Variants in TRPM1 observed in about 807,000 individuals in gnomAD.
The protein encoded by TRPM1 is TRPM1-203 APA Isoform, Intron 10.
A neutral mutation model predicts 149.4 loss-of-function variants in TRPM1; 113 were observed. That is an observed-to-expected ratio of 0.76 (90% CI 0.65 to 0.88). The LOEUF (loss-of-function observed/expected upper bound fraction) is 0.88, where lower values mean the gene tolerates loss of function less well. Among genes scored for constraint, TRPM1 ranks in the 40% least tolerant of loss-of-function variants. The pLI, the probability that TRPM1 is intolerant of heterozygous loss-of-function variation, is 0.00. For missense variants in TRPM1, 1,976 were observed against 2,038.7 expected, an observed-to-expected ratio of 0.97 and a Z score of 0.59; for synonymous variants, 741 against 759.5, an observed-to-expected ratio of 0.98 and a Z score of 0.40.
At chr15:31,143,043 C>T (rs1405394356) in intron 1 of TRPM1, among the ~76,000 whole-genome samples, 1 of 152,188 alleles carries the variant, frequency 6.6e-6, no homozygotes, top group Non-Finnish European at 1.5e-5. Context: ...ACCATTGCCA[C>T]CTTAAGTCTG....
chr15:31,109,566 G>C (rs985640110), intron 1 of TRPM1, among the ~76,000 whole-genome samples: 6 of 150,986 alleles, frequency 4.0e-5, no homozygotes, highest in Admixed American at 6.6e-5. Flanking sequence ...TGGGCGTGGT[G>C]GTGGGTGCCT....
intron 2 of TRPM1, among the ~76,000 whole-genome samples, chr15:31,078,268 C>T (rs1223232345): frequency 6.6e-6 from 1 of 152,104 alleles, no homozygotes; most frequent in Non-Finnish European, 1.5e-5. Context: ...GAGGTCACCT[C>T]TGCAGAGGTC....
chr15:31,096,241 A>G (rs1051196492), intron 1 of TRPM1, among the ~76,000 whole-genome samples: 1 of 152,104 alleles, frequency 6.6e-6, no homozygotes. Flanking sequence ...GGAGGGAAGG[A>G]GTGCAGTGGG....
At chr15:31,049,330 T>C in intron 13 of TRPM1, 45 bp downstream of exon 13, 2 of 1,613,828 alleles carry the variant, frequency 1.2e-6, no homozygotes. Context: ...CAAACACATT[T>C]AGGTGGCTGC....
intron 18 of TRPM1, among the ~76,000 whole-genome samples, chr15:31,038,426 G>A (rs2033499784): frequency 6.6e-6 from 1 of 152,156 alleles, no homozygotes; most frequent in Non-Finnish European, 1.5e-5. Flanking sequence ...AAAAAGAAAA[G>A]TCTTGGCTGG....
At chr15:31,081,858 C>A (rs949448684) in intron 1 of TRPM1, among the ~76,000 whole-genome samples, 1 of 152,162 alleles carries the variant, frequency 6.6e-6, no homozygotes, top group Admixed American at 6.5e-5. Flanking sequence ...ATGAAGTAAG[C>A]CAGGTCACCC....
chr15:31,093,388 T>C (rs919481437), intron 1 of TRPM1, among the ~76,000 whole-genome samples: 3 of 152,032 alleles, frequency 2.0e-5, no homozygotes, highest in Admixed American at 2.0e-4. Flanking sequence ...AAATTGGATG[T>C]ATTTCTGTAC....
At chr15:31,133,354 G>A (rs1016910732) in intron 1 of TRPM1, among the ~76,000 whole-genome samples, 1 of 152,128 alleles carries the variant, frequency 6.6e-6, no homozygotes, top group East Asian at 1.9e-4. Flanking sequence ...GATCACTTGA[G>A]GTCAGGAGTT....
rs769973366 is a variant in TRPM1, at chr15:31,066,078, G to A, written c.788C>T (p.Thr263Ile). The change falls in exon 7 of 28, where the codon ACA becomes ATA. Residue 263 changes from threonine to isoleucine, a missense_variant and splice_region_variant. Thr to Ile is a moderately conservative substitution (Grantham distance 89, BLOSUM62 -1). This residue lies in a region of TRPM1 where 1,332 missense variants were observed against 1,347.1 expected (regional missense o/e 0.99). Transcript: ENST00000256552. ...EKHISLQKIN[T>I]RLGQGVPLVG... ...TGCGTGCCTTTGCCAGCACTTACTT[G>A]TGTTGATCTTCTGCAGGGAGATGTG... 3 of 1,613,898 alleles carry A rather than the reference G, an allele frequency of 1.9e-6. No individual in the cohort carries two copies. The South Asian group carries it at 3.3e-5, about 18-fold the overall frequency.
At chr15:31,103,849 A>G (rs1284021363), upstream of TRPM1, among the ~76,000 whole-genome samples, 1 of 151,006 alleles carries the variant, frequency 6.6e-6, no homozygotes, top group Admixed American at 6.6e-5. Flanking sequence ...AAGAAAAAGA[A>G]AAAAAAAAGA....
chr15:31,089,112 C>T (rs904624530), intron 1 of TRPM1, among the ~76,000 whole-genome samples: 2 of 152,142 alleles, frequency 1.3e-5, no homozygotes, highest in African/African-American at 4.8e-5. Context: ...ACAGAAAATT[C>T]GTGATGAATA....
chr15:31,050,949 A>C (rs1235147744), intron 11 of TRPM1, among the ~76,000 whole-genome samples: 1 of 152,198 alleles, frequency 6.6e-6, no homozygotes, highest in South Asian at 2.1e-4. Flanking sequence ...AAGGATGCTG[A>C]AAGGAGAGTT....
intron 12 of TRPM1, 49 bp from the exon 13 acceptor site, chr15:31,049,558 A>G: frequency 6.2e-7 from 1 of 1,610,592 alleles, no homozygotes; most frequent in East Asian, 2.2e-5. Flanking sequence ...TCAGAGACAC[A>G]GGGGAGGGGG....
intron 1 of TRPM1, among the ~76,000 whole-genome samples, chr15:31,131,825 C>A (rs571405581): frequency 6.6e-6 from 1 of 152,148 alleles, no homozygotes; most frequent in South Asian, 2.1e-4. Context: ...GGCTCGCCCC[C>A]ACCCCCCTGC....
chr15:31,081,713 C>G (rs1468941551), intron 1 of TRPM1, among the ~76,000 whole-genome samples: 1 of 152,140 alleles, frequency 6.6e-6, no homozygotes. Context: ...CCCTGTGCCT[C>G]CAGGAGGGCC....
Position 31,063,188 on chromosome 15 carries a change from C to A in TRPM1, c.895G>T (p.Val299Leu), listed in dbSNP as rs2034281068. The stretch of plus-strand genomic sequence containing the variant: ...GCACGTCCGCTGCCATCACAAATCA[C>A]CACAGGGATGGGAGGCTCTTCTTGC... ...YLQEEPPIPV[V>L]ICDGSGRASD... is the part of the protein sequence containing the mutation. The change falls in exon 8 of 28, where the codon GTG becomes TTG. Residue 299 changes from valine to leucine, a missense_variant. Coordinates refer to ENST00000256552, the MANE Select transcript of TRPM1 (RefSeq NM_001252024.2). The A allele has an allele frequency of 6.2e-7, 1 of 1,614,220 alleles. No individual in the cohort carries two copies. Among genetic ancestry groups the A allele is most frequent in the East Asian group, 2.2e-5 (1 of 44,884 alleles).
chr15:31,092,231 G>T (rs2035259234), intron 1 of TRPM1, among the ~76,000 whole-genome samples: 1 of 152,130 alleles, frequency 6.6e-6, no homozygotes, highest in Non-Finnish European at 1.5e-5. Context: ...CAGAGTGCAG[G>T]GTCTCATTTC....
intron 1 of TRPM1, among the ~76,000 whole-genome samples, chr15:31,157,963 C>T (rs956348846): frequency 1.3e-5 from 2 of 152,138 alleles, no homozygotes; most frequent in African/African-American, 4.8e-5. Context: ...CGGGAACCGA[C>T]ACTGAGCTGC....
chr15:31,156,647 T>C (rs1346209273), intron 1 of TRPM1, among the ~76,000 whole-genome samples: 2 of 152,176 alleles, frequency 1.3e-5, no homozygotes, highest in African/African-American at 2.4e-5. Context: ...AACCAGTGTA[T>C]ACCTCACATG....
Sources: gnomAD v4.1 joint callset for allele counts (sites outside exome capture counted in the v4.1 genomes callset) on GRCh38, gnomAD v4.1.1 for gene constraint, gnomAD v4.1.1 regional missense constraint, MANE v1.5 for transcripts, NCBI Gene and HGNC (gene_info 2026-07-23, HGNC 2026-07-21) for gene names.